The following NKPD1 variants were observed in gnomAD, a reference collection of about 807,000 sequenced individuals.
NKPD1 encodes NTPase KAP family P-loop domain containing 1.
A neutral mutation model predicts 42.2 loss-of-function variants in NKPD1; 37 were observed. That is an observed-to-expected ratio of 0.88 (90% confidence interval 0.67 to 1.15). NKPD1 has a LOEUF of 1.15. NKPD1 is among the 50% of genes most tolerant of loss of function. NKPD1 has a pLI of 0.00. For synonymous variants in NKPD1, 552 were observed against 536.5 expected, an observed-to-expected ratio of 1.03 and a Z score of -0.40; for missense variants, 1,113 against 1,174.6, an observed-to-expected ratio of 0.95 and a Z score of 0.77.
chr19:45,154,617 G>T (rs1968867096), intron 4 of NKPD1, among the ~76,000 whole-genome samples: 1 of 152,200 alleles, frequency 6.6e-6, no homozygotes, highest in Non-Finnish European at 1.5e-5. Context: ...GGAAGGAAAG[G>T]CTATTGGGCC....
chr19:45,151,762 G>A lies in NKPD1; in HGVS notation c.*176C>T. 2 of 592,338 alleles carry A rather than the reference G, an allele frequency of 3.4e-6. No individual in the cohort carries two copies. Among genetic ancestry groups the A allele is most frequent in the East Asian group, 6.4e-5 (2 of 31,336 alleles). The allele number at this position is 592,338 out of a possible 1,614,324, so 36.7% of individuals were successfully genotyped here. ...TGTGCCTGCTCTCATGCTGGCACCG[G>A]CTTGTGGCCGCACTCCTTGGAAGCT... On this transcript the variant is annotated 3_prime_UTR_variant, in exon 5 of 5. Coordinates refer to ENST00000686631, the MANE Select transcript of NKPD1 (RefSeq NM_198478.4).
Position 45,153,600 on chromosome 19 carries a change from G to T in NKPD1, c.837C>A (p.Ile279=). 6.4e-7 allele frequency: 1 copy of T among 1,572,478 alleles called. No homozygotes were observed. The change falls in exon 5 of 5, where the codon ATC becomes ATA. Residue 279 remains isoleucine (I), a synonymous_variant. Transcript: ENST00000686631. The part of the protein sequence containing the change: ...LRRRNVQFLF[I]RFSAWQYAGT... ...CCGCGTACTGCCAGGCGCTAAAGCG[G>T]ATGAAAAGGAACTGCACGTTCCTGC...
At chr19:45,155,311 C>T (rs1342685531) in intron 4 of NKPD1, among the ~76,000 whole-genome samples, 3 of 151,050 alleles carry the variant, frequency 2.0e-5, no homozygotes, top group Non-Finnish European at 4.4e-5. Flanking sequence ...AGCAAGATTC[C>T]GTCTCAAAAA....
chr19:45,158,756 C>T lies in NKPD1; in HGVS notation c.436G>A (p.Ala146Thr), dbSNP rs1191549016. The part of the protein sequence containing the change: ...MARSGPALPS[A>T]AGVLLKPSEP... Reference sequence around the variant, plus strand: ...CTGGGCTTCAGGAGGACGCCAGCCGCGGAGGGTAGAGCTGGGCCACTCCTG... The same window carrying T: ...CTGGGCTTCAGGAGGACGCCAGCCGTGGAGGGTAGAGCTGGGCCACTCCTG... The change falls in exon 3 of 5, where the codon GCG becomes ACG. Residue 146 changes from alanine (A) to threonine (T), a missense_variant. Around this residue, in one of 3 missense-constraint regions of NKPD1, gnomAD observed 204 missense variants for 227.8 expected, o/e 0.90. Transcript: ENST00000686631. This position sits in a 1 kb window ranked among gnomAD's most constrained non-coding sequence, Gnocchi z 4.6. The T allele has an allele frequency of 1.8e-5, 22 of 1,219,842 alleles. No individual in the cohort carries two copies. The highest frequency in any genetic ancestry group is 3.3e-5 in the Admixed American group (1 of 30,204). The allele number at this position is 1,219,842 out of a possible 1,614,324, so 75.6% of individuals were successfully genotyped here.
At chr19:45,155,589 CA>C (rs1352481199) in intron 4 of NKPD1, among the ~76,000 whole-genome samples, 195 bp downstream of exon 4, 2 of 151,962 alleles carry the variant, frequency 1.3e-5, no homozygotes, top group African/African-American at 2.4e-5. Flanking sequence ...GTGGCAGAAG[CA>C]GGGAAGGGTA....
chr19:45,151,951 G>A lies in NKPD1; in HGVS notation c.2486C>T (p.Pro829Leu), dbSNP rs1192308954. ...CALFRPGQSS[P>L]GGP is the part of the protein sequence containing the mutation. Reference sequence around the variant, plus strand: ...CAAGTCCTCCATTTAAGGCCCACCTGGGCTGGATTGCCCTGGACGGAAGAG... The same window carrying A: ...CAAGTCCTCCATTTAAGGCCCACCTAGGCTGGATTGCCCTGGACGGAAGAG... The change falls in exon 5 of 5, where the codon CCA becomes CTA. Residue 829 changes from proline (P) to leucine (L), a missense_variant. Pro to Leu is a moderately conservative substitution (Grantham distance 98, BLOSUM62 -3). Transcript: ENST00000686631. 1 of 1,569,776 alleles carries A rather than the reference G, an allele frequency of 6.4e-7. No homozygotes were observed. Among genetic ancestry groups the A allele is most frequent in the Admixed American group, 1.8e-5 (1 of 55,114 alleles).
Position 45,152,683 on chromosome 19 carries a change from C to G in NKPD1, c.1754G>C (p.Gly585Ala), listed in dbSNP as rs1178815666. Residue 585 changes from glycine (G) to alanine (A), a missense_variant, in exon 5 of 5, where the codon GGG becomes GCG. Coordinates refer to ENST00000686631, the MANE Select transcript of NKPD1 (RefSeq NM_198478.4). ...CGCCTCGTCGTCGATGCGGCCCTGC[C>G]CGCGCTCCGTCCCCGCCTGCGCCTG... ...AVQAQAGTER[G>A]QGRIDDEAAR... 1 of 1,542,668 alleles carries G rather than the reference C, an allele frequency of 6.5e-7. No homozygotes were observed. Among genetic ancestry groups the G allele is most frequent in the Non-Finnish European group, 8.7e-7 (1 of 1,149,584 alleles).
Position 45,152,067 on chromosome 19 carries a change from G to A in NKPD1, c.2370C>T (p.Pro790=), listed in dbSNP as rs756204066. 1.2e-6 allele frequency: 2 copies of A among 1,607,984 alleles called. No homozygotes were observed. Among genetic ancestry groups the A allele is most frequent in the South Asian group, 2.2e-5 (2 of 90,450 alleles). Residue 790 remains proline, a synonymous_variant, in exon 5 of 5, where the codon CCC becomes CCT. Coordinates refer to ENST00000686631, the MANE Select transcript of NKPD1 (RefSeq NM_198478.4). The part of the protein sequence containing the change: ...AHRANSASRA[P]PSGRASGQAG... Reference sequence around the variant, plus strand: ...CTTGCCCTGAGGCACGGCCCGACGGGGGCGCCCTGGAGGCGCTGTTGGCCC... The same window carrying A: ...CTTGCCCTGAGGCACGGCCCGACGGAGGCGCCCTGGAGGCGCTGTTGGCCC...
intron 3 of NKPD1, among the ~76,000 whole-genome samples, chr19:45,157,719 CTTTTT>C (rs34991759): frequency 0.024 from 2,021 of 83,264 alleles, 57 homozygotes; most frequent in African/African-American, 0.083. Context: ...CCCAGACATA[CTTTTT>C]TTTTTTTTTT....
At chr19:45,161,218 G>A (rs1968998678), upstream of NKPD1, among the ~76,000 whole-genome samples, 1 of 152,216 alleles carries the variant, frequency 6.6e-6, no homozygotes, top group South Asian at 2.1e-4. Flanking sequence ...AGGCACTTCT[G>A]CTGGTGTGGG....
chr19:45,156,375 G>A (rs1386994502), intron 3 of NKPD1, among the ~76,000 whole-genome samples: 7 of 152,100 alleles, frequency 4.6e-5, no homozygotes, highest in Non-Finnish European at 7.4e-5. Context: ...GCCCTGGGCC[G>A]CAGGCTCCTC....
Position 45,151,796 on chromosome 19 carries a change from G to A in NKPD1, c.*142C>T, listed in dbSNP as rs1037752531. ...CGCACTCCTTGGAAGCTATGTCCAC[G>A]GCTCTGGCTCAGGTTCACCTGGGGG... On this transcript the variant is annotated 3_prime_UTR_variant, in exon 5 of 5. Coordinates refer to ENST00000686631, the MANE Select transcript of NKPD1 (RefSeq NM_198478.4). The A allele has an allele frequency of 6.4e-5, 56 of 879,942 alleles. No individual in the cohort carries two copies. Among genetic ancestry groups the A allele is most frequent in the Middle Eastern group, 6.3e-4 (2 of 3,178 alleles). The allele number at this position is 879,942 out of a possible 1,614,324, so 54.5% of individuals were successfully genotyped here. A position where few individuals can be genotyped will look rare whatever the true frequency, so the allele number is the denominator to read the frequency against.
At chr19:45,156,883 C>G (rs1429478699) in intron 3 of NKPD1, among the ~76,000 whole-genome samples, 1 of 152,220 alleles carries the variant, frequency 6.6e-6, no homozygotes, top group African/African-American at 2.4e-5. Flanking sequence ...GAAGCAGACT[C>G]AGGAGTAGTT....
chr19:45,157,164 T>G (rs888920114), intron 3 of NKPD1, among the ~76,000 whole-genome samples: 1 of 152,226 alleles, frequency 6.6e-6, no homozygotes, highest in African/African-American at 2.4e-5. Flanking sequence ...CTCGGCCACC[T>G]GCTTCCGTCC....
chr19:45,158,801 TG>T lies in NKPD1; in HGVS notation c.390del (p.Thr131ProfsTer21), dbSNP rs1389808098. ...CTCCTGGCCATGGCTGGTGCCGTGG[TG>T]GGTAAGGTGGGCGCCTGAGGGGCGC... ...PASAPQAPTLPTTAPAMARSG... is the reference protein window; with the variant it reads ...PASAPQAPTLXTTAPAMARSG... On this transcript the variant is annotated frameshift_variant, in exon 3 of 5. Coordinates refer to ENST00000686631, the MANE Select transcript of NKPD1 (RefSeq NM_198478.4). LOFTEE classifies it high-confidence loss of function. This position sits in a 1 kb window ranked among gnomAD's most constrained non-coding sequence, Gnocchi z 4.6. The T allele has an allele frequency of 7.9e-7, 1 of 1,258,808 alleles. No individual in the cohort carries two copies. Among genetic ancestry groups the T allele is most frequent in the South Asian group, 1.3e-5 (1 of 74,980 alleles). 78.0% of individuals were successfully genotyped at this position (1,258,808 alleles called of 1,614,324 possible). A position where few individuals can be genotyped will look rare whatever the true frequency, so the allele number is the denominator to read the frequency against.
rs1295928663 is a variant in NKPD1 at position 45,149,760 on chromosome 19, G to A, written c.*2178C>T. Reference sequence around the variant, plus strand: ...TGCAAGATCTCAATGTCCTAACACAGGAGATGTTTATTGTCACATGTGGAT... The same window carrying A: ...TGCAAGATCTCAATGTCCTAACACAAGAGATGTTTATTGTCACATGTGGAT... On this transcript the variant is annotated 3_prime_UTR_variant, in exon 5 of 5. Coordinates refer to ENST00000686631, the MANE Select transcript of NKPD1 (RefSeq NM_198478.4). 2 of 152,194 alleles carry A rather than the reference G, an allele frequency of 1.3e-5. No individual in the cohort carries two copies. The highest frequency in any genetic ancestry group is 2.9e-5 in the Non-Finnish European group (2 of 68,038). 9.4% of individuals were successfully genotyped at this position (152,194 alleles called of 1,614,324 possible). A position where few individuals can be genotyped will look rare whatever the true frequency, so the allele number is the denominator to read the frequency against.
intron 1 of NKPD1, among the ~76,000 whole-genome samples, chr19:45,160,424 G>A (rs1419105598): frequency 6.6e-6 from 1 of 152,134 alleles, no homozygotes; most frequent in Admixed American, 6.5e-5. Context: ...TTGGCTAGGG[G>A]TTAATTTGAG....
Position 45,151,810 on chromosome 19 carries a change from T to A in NKPD1, c.*128A>T. ...GCTATGTCCACGGCTCTGGCTCAGG[T>A]TCACCTGGGGGTGTGGGCCTCACAG... On this transcript the variant is annotated 3_prime_UTR_variant, in exon 5 of 5. Coordinates refer to ENST00000686631, the MANE Select transcript of NKPD1 (RefSeq NM_198478.4). 1.9e-6 allele frequency: 2 copies of A among 1,045,032 alleles called. No homozygotes were observed. Among genetic ancestry groups the A allele is most frequent in the Non-Finnish European group, 2.6e-6 (2 of 756,768 alleles). The allele number at this position is 1,045,032 out of a possible 1,614,324, so 64.7% of individuals were successfully genotyped here. A position where few individuals can be genotyped will look rare whatever the true frequency, so the allele number is the denominator to read the frequency against.
intron 1 of NKPD1, 74 bp from the exon 2 acceptor site, chr19:45,160,295 A>G (rs1011477077): frequency 2.2e-5 from 8 of 371,848 alleles, no homozygotes; most frequent in Middle Eastern, 6.7e-4. Context: ...GGAAAGGCCA[A>G]GTCCCAGATG....
Sources: gnomAD v4.1 joint callset for allele counts (sites outside exome capture counted in the v4.1 genomes callset) on GRCh38, gnomAD v4.1.1 for gene constraint, gnomAD v4.1.1 regional missense constraint, Gnocchi (gnomAD v3.1) non-coding constraint, MANE v1.5 for transcripts, NCBI Gene and HGNC (gene_info 2026-07-23, HGNC 2026-07-21) for gene names.